The following TG variants were observed in gnomAD, a reference collection of about 807,000 sequenced individuals.
TG encodes the protein thyroid hormones.
In TG, 270 loss-of-function variants were observed where a neutral mutation model predicts 324.7. The ratio of observed to expected loss-of-function variants is 0.83; its 90% CI spans 0.75 to 0.92. The LOEUF (loss-of-function observed/expected upper bound fraction) is 0.92, where lower values mean the gene tolerates loss of function less well. Ranked by LOEUF, TG falls within the 40% of genes least tolerant of loss-of-function variation. The probability of loss-of-function intolerance (pLI) is 0.00; values close to 1 mark genes in which losing one functional copy is unlikely to be tolerated. For missense variants in TG, 3,591 were observed against 3,456.4 expected, an observed-to-expected ratio of 1.04 and a Z score of -0.98; for synonymous variants, 1,401 against 1,327.0, an observed-to-expected ratio of 1.06 and a Z score of -1.21.
intron 40 of TG, among the ~76,000 whole-genome samples, chr8:133,025,476 C>T (rs925270842): frequency 1.3e-5 from 2 of 152,158 alleles, no homozygotes; most frequent in Admixed American, 6.5e-5. Context: ...CAGAGAGTTC[C>T]CATACACTCC....
At chr8:132,868,498 CT>C (rs1163639399) in intron 2 of TG, among the ~76,000 whole-genome samples, 1 of 152,210 alleles carries the variant, frequency 6.6e-6, no homozygotes, top group Non-Finnish European at 1.5e-5. Flanking sequence ...CTTGCCATCA[CT>C]TTTTCTGTGA....
intron 36 of TG, 118 bp from the exon 37 acceptor site, chr8:133,013,482 G>A: frequency 7.9e-7 from 1 of 1,265,866 alleles, no homozygotes; most frequent in Non-Finnish European, 1.1e-6. Context: ...TGATTGGATA[G>A]AAGGATGGAT....
Position 132,913,119 on chromosome 8 carries a change from A to G in TG, c.4232A>G (p.His1411Arg). The change falls in exon 20 of 48, where the codon CAT (histidine) becomes CGT (arginine). Residue 1411 changes from histidine to arginine, a missense_variant. By Grantham distance (29) the His-to-Arg change is conservative. Transcript: ENST00000220616. Reference protein sequence around the residue: ...DLIQSGSFQLHLDSKTFPAET... With the variant: ...DLIQSGSFQLRLDSKTFPAET... ...ATCCAGAGTGGCTCATTCCAGCTTCATCTGGACTCCAAGACGTTCCCAGCG... is the reference window on the plus strand; with the variant it reads ...ATCCAGAGTGGCTCATTCCAGCTTCGTCTGGACTCCAAGACGTTCCCAGCG... 1 of 1,614,154 alleles carries G rather than the reference A, an allele frequency of 6.2e-7. No homozygotes were observed. The highest frequency in any genetic ancestry group is 8.5e-7 in the Non-Finnish European group (1 of 1,180,020).
At chr8:132,913,344 G>A in intron 20 of TG, 79 bp downstream of exon 20, 1 of 1,431,520 alleles carries the variant, frequency 7.0e-7, no homozygotes, top group Non-Finnish European at 9.8e-7. Flanking sequence ...ACTGGAGAGA[G>A]GCTACTCTGG....
At chr8:133,079,438 C>A (rs907613323) in intron 41 of TG, among the ~76,000 whole-genome samples, 4 of 152,198 alleles carry the variant, frequency 2.6e-5, no homozygotes, top group Non-Finnish European at 5.9e-5. Flanking sequence ...GCTTTACATA[C>A]TTCACGTTGT....
intron 41 of TG, chr8:133,051,037 T>C (rs573482146): frequency 2.3e-4 from 149 of 640,416 alleles, no homozygotes; most frequent in Non-Finnish European, 3.9e-4. Flanking sequence ...CCTTTCTTGT[T>C]TTGAACCACC....
At chr8:133,059,039 A>T (rs1448289148) in intron 41 of TG, 2 of 457,220 alleles carry the variant, frequency 4.4e-6, no homozygotes, top group Non-Finnish European at 8.8e-6. Context: ...AGGGAGCCAC[A>T]GAAGTCATGA....
chr8:132,870,343 G>A (rs1426828779), intron 3 of TG, among the ~76,000 whole-genome samples: 6 of 148,740 alleles, frequency 4.0e-5, no homozygotes, highest in Non-Finnish European at 8.9e-5. Context: ...CGGATTAAAA[G>A]CTCTGTTTGG....
At chr8:132,986,768 T>C (rs1831609299) in intron 35 of TG, among the ~76,000 whole-genome samples, 1 of 152,160 alleles carries the variant, frequency 6.6e-6, no homozygotes, top group Admixed American at 6.5e-5. Flanking sequence ...CTTGAGAAAT[T>C]TACATTTTAA....
chr8:133,043,348 C>T (rs549658294), intron 41 of TG, among the ~76,000 whole-genome samples: 4 of 152,162 alleles, frequency 2.6e-5, no homozygotes, highest in African/African-American at 7.2e-5. Flanking sequence ...ACACCCCCTC[C>T]GATGGTTGTT....
At chr8:132,960,749 C>T (rs1039641127) in intron 27 of TG, among the ~76,000 whole-genome samples, 3 of 152,124 alleles carry the variant, frequency 2.0e-5, no homozygotes, top group Admixed American at 2.0e-4. Flanking sequence ...GTGACTCTCC[C>T]GAGTCATAGG....
chr8:132,997,162 G>C (rs551160049), intron 35 of TG, among the ~76,000 whole-genome samples: 81 of 152,278 alleles, frequency 5.3e-4, no homozygotes, highest in African/African-American at 1.9e-3. Context: ...CAGTCCACTT[G>C]AGCACCAATC....
chr8:132,875,984 C>T (rs1439683843), intron 5 of TG, among the ~76,000 whole-genome samples: 1 of 152,044 alleles, frequency 6.6e-6, no homozygotes, highest in Non-Finnish European at 1.5e-5. Flanking sequence ...CAGCAAGTTA[C>T]GTTTGAATTT....
intron 35 of TG, chr8:133,002,698 C>T (rs561790324): frequency 3.0e-5 from 7 of 233,946 alleles, no homozygotes; most frequent in African/African-American, 9.4e-5. Context: ...AGCAAGCTGG[C>T]GCTTCAGTTG....
At chr8:133,057,357 T>C (rs1192117388) in intron 41 of TG, among the ~76,000 whole-genome samples, 1 of 152,184 alleles carries the variant, frequency 6.6e-6, no homozygotes, top group Admixed American at 6.5e-5. Context: ...GAAGTATGTA[T>C]AGAATTGTAG....
In TG at chr8:132,983,406, G is replaced by A; in HGVS notation, c.6256G>A (p.Glu2086Lys). Reference sequence around the variant, plus strand: ...TTTGGTTGTTCTGCCTTCCCTCACAGAGAAAGGTAAGTTCATTGTCTTTTT... The same window carrying A: ...TTTGGTTGTTCTGCCTTCCCTCACAAAGAAAGGTAAGTTCATTGTCTTTTT... The part of the protein sequence containing the change: ...CPLVVLPSLT[E>K]KVSLDSWQSL... Residue 2086 changes from glutamate (E) to lysine (K), a missense_variant, in exon 35 of 48, where the codon GAG (glutamate) becomes AAG (lysine). Physicochemically the swap from Glu to Lys is moderately conservative, Grantham distance 56 (BLOSUM62 1). Transcript: ENST00000220616. The A allele has an allele frequency of 1.9e-6, 3 of 1,613,946 alleles. No individual in the cohort carries two copies. Among genetic ancestry groups the A allele is most frequent in the South Asian group, 1.1e-5 (1 of 91,076 alleles).
intron 41 of TG, among the ~76,000 whole-genome samples, chr8:133,044,085 G>C (rs1838835664): frequency 6.6e-6 from 1 of 152,208 alleles, no homozygotes; most frequent in Admixed American, 6.5e-5. Flanking sequence ...GATGAAGAAA[G>C]TGAGACACAA....
chr8:132,979,696 A>G (rs2130645257), intron 34 of TG, among the ~76,000 whole-genome samples: 1 of 139,686 alleles, frequency 7.2e-6, no homozygotes, highest in Middle Eastern at 3.7e-3. Flanking sequence ...GTTACAACTG[A>G]TGAAGTGGGA....
In TG at chr8:132,887,113, T is replaced by C. The variant is rs1815531157; in HGVS notation, c.1741T>C (p.Leu581=). Residue 581 remains leucine (L), a synonymous_variant, in exon 9 of 48, where the codon TTG becomes CTG. Coordinates refer to ENST00000220616, the MANE Select transcript of TG (RefSeq NM_003235.5). ...LLELPEFLLF[L]QHAISVPEDV... Reference sequence around the variant, plus strand: ...GGAGCTTCCAGAATTCCTTCTCTTCTTGCAACATGCTATCTCTGTGCCAGA... The same window carrying C: ...GGAGCTTCCAGAATTCCTTCTCTTCCTGCAACATGCTATCTCTGTGCCAGA... 16 of 1,614,230 alleles carry C rather than the reference T, an allele frequency of 9.9e-6. No individual in the cohort carries two copies. The highest frequency in any genetic ancestry group is 1.3e-5 in the Non-Finnish European group (15 of 1,180,044).
Sources: allele counts gnomAD v4.1 joint callset (sites outside exome capture counted in the v4.1 genomes callset), GRCh38; gene constraint gnomAD v4.1.1; transcripts MANE v1.5; gene names NCBI Gene and HGNC (gene_info 2026-07-23, HGNC 2026-07-21).